GALNT18: variants seen among roughly 807,000 people sequenced by gnomAD.
GALNT18 encodes the protein polypeptide N-acetylgalactosaminyltransferase 18, also known as GalNAc-transferase 18.
A neutral mutation model predicts 69.5 loss-of-function variants in GALNT18; 44 were observed. The observed-to-expected ratio is 0.63, with a 90% CI of 0.50 to 0.81. The LOEUF is 0.81. Ranked by LOEUF, GALNT18 falls within the 40% of genes least tolerant of loss-of-function variation. The pLI, the probability that GALNT18 is intolerant of heterozygous loss-of-function variation, is 0.00. For synonymous variants in GALNT18, 364 were observed against 318.2 expected (o/e 1.14, Z -1.53); for missense variants, 715 against 810.0 (o/e 0.88, Z 1.42).
intron 10 of GALNT18, among the ~76,000 whole-genome samples, chr11:11,276,165 C>A (rs139767791): frequency 6.6e-6 from 1 of 152,192 alleles, no homozygotes; most frequent in Non-Finnish European, 1.5e-5. Flanking sequence ...CACCCATGAG[C>A]GTGGAATGTT....
chr11:11,481,850 C>G (rs1012790975), intron 1 of GALNT18, among the ~76,000 whole-genome samples: 3 of 152,222 alleles, frequency 2.0e-5, no homozygotes, highest in Admixed American at 1.3e-4. Context: ...TGAATTATCA[C>G]AGTTGTATCC....
intron 2 of GALNT18, among the ~76,000 whole-genome samples, chr11:11,448,492 G>A (rs1164719579): frequency 2.0e-5 from 3 of 152,234 alleles, no homozygotes; most frequent in African/African-American, 4.8e-5. Flanking sequence ...TGTCCTTAAC[G>A]AGTAAATTAA....
At chr11:11,397,229 A>G (rs1398229103) in intron 3 of GALNT18, among the ~76,000 whole-genome samples, 1 of 152,178 alleles carries the variant, frequency 6.6e-6, no homozygotes, top group Non-Finnish European at 1.5e-5. Flanking sequence ...GGGAACTGTA[A>G]GGGAAATGCC....
intron 1 of GALNT18, among the ~76,000 whole-genome samples, chr11:11,513,365 T>A (rs771268151): frequency 1.3e-5 from 2 of 152,246 alleles, no homozygotes; most frequent in African/African-American, 2.4e-5. Context: ...TTCCTGTCCC[T>A]TGCTCTGTTC....
At chr11:11,276,425 G>T (rs943006829) in intron 10 of GALNT18, among the ~76,000 whole-genome samples, 23 of 152,104 alleles carry the variant, frequency 1.5e-4, no homozygotes, top group South Asian at 2.1e-4. Flanking sequence ...AAGGAGATTT[G>T]GGGCTGAGAC....
chr11:11,322,492 T>G (rs755780537), intron 9 of GALNT18, among the ~76,000 whole-genome samples: 1 of 152,234 alleles, frequency 6.6e-6, no homozygotes, highest in Non-Finnish European at 1.5e-5. Context: ...CCTGGCTACC[T>G]TGGCCCACAT....
chr11:11,462,909 G>C (rs1310830103), intron 1 of GALNT18, among the ~76,000 whole-genome samples: 1 of 152,132 alleles, frequency 6.6e-6, no homozygotes, highest in Non-Finnish European at 1.5e-5. Context: ...CAAAGAACAA[G>C]TATTTGGGGT....
chr11:11,464,932 G>T (rs1323719261), intron 1 of GALNT18, among the ~76,000 whole-genome samples: 1 of 152,138 alleles, frequency 6.6e-6, no homozygotes, highest in African/African-American at 2.4e-5. Flanking sequence ...CATAAACACC[G>T]GCTGTTGTTA....
At chr11:11,525,358 G>T (rs542303367) in intron 1 of GALNT18, among the ~76,000 whole-genome samples, 17 of 152,236 alleles carry the variant, frequency 1.1e-4, no homozygotes, top group East Asian at 3.9e-4. Context: ...GGAGCTCAAT[G>T]AATAAGAAAG....
At chr11:11,283,445 CT>C (rs1215725308) in intron 10 of GALNT18, among the ~76,000 whole-genome samples, 1 of 152,208 alleles carries the variant, frequency 6.6e-6, no homozygotes, top group South Asian at 2.1e-4. Flanking sequence ...GACTTTTAAT[CT>C]GAATGACAGG....
At position 11,292,199 on chromosome 11, in the gene GALNT18, CCT is replaced by C. The variant is rs1849313636; in HGVS notation, c.1677+828_1677+829del. On this transcript the variant is annotated intron_variant, in intron 10 of 10. Coordinates refer to ENST00000227756, the MANE Select transcript of GALNT18 (RefSeq NM_198516.3). ...CACAACCCCATGGGCTCCCTCACTT[CCT>C]GTTATTAACGCTTTACCTGCTCCAC... 2.6e-5 allele frequency among the ~76,000 whole-genome samples: 4 copies of C among 152,276 alleles called. No homozygotes were observed. In the South Asian group the frequency reaches 8.3e-4, roughly 32 times the overall value.
intron 6 of GALNT18, among the ~76,000 whole-genome samples, chr11:11,362,120 A>C (rs1020920125): frequency 1.3e-5 from 2 of 152,192 alleles, no homozygotes; most frequent in Non-Finnish European, 2.9e-5. Flanking sequence ...TAACTGGTTG[A>C]CCATATAGAA....
chr11:11,528,810 T>C (rs1405884750), intron 1 of GALNT18, among the ~76,000 whole-genome samples: 1 of 152,128 alleles, frequency 6.6e-6, no homozygotes, highest in Non-Finnish European at 1.5e-5. Context: ...TCAAAAAGGA[T>C]ATAGGGGAAG....
In GALNT18 at chr11:11,541,124, G is replaced by C. The variant is rs1857909462; in HGVS notation, c.235+80235C>G. On this transcript the variant is annotated intron_variant, in intron 1 of 10. Coordinates refer to ENST00000227756, the MANE Select transcript of GALNT18 (RefSeq NM_198516.3). The surrounding 1 kb of genome is among the most constrained non-coding windows in gnomAD (Gnocchi z 4.8). ...GACCATAGTGTTCCCCACTGGCTGAGATTAATGGGGATGACACTGTGGCTG... is the reference window on the plus strand; with the variant it reads ...GACCATAGTGTTCCCCACTGGCTGACATTAATGGGGATGACACTGTGGCTG... Among the ~76,000 whole-genome samples, 1 of 152,180 alleles carries C rather than the reference G, an allele frequency of 6.6e-6. No individual in the cohort carries two copies. The highest frequency in any genetic ancestry group is 2.4e-5 in the African/African-American group (1 of 41,440).
intron 6 of GALNT18, among the ~76,000 whole-genome samples, chr11:11,365,546 G>C (rs1043922943): frequency 6.6e-6 from 1 of 152,070 alleles, no homozygotes; most frequent in Non-Finnish European, 1.5e-5. Context: ...GGTGTTTCTG[G>C]TTGTAAACCC....
intron 3 of GALNT18, among the ~76,000 whole-genome samples, chr11:11,411,426 C>T (rs1414209328): frequency 4.6e-5 from 7 of 152,208 alleles, no homozygotes; most frequent in Admixed American, 3.9e-4. Flanking sequence ...AAGACATGTT[C>T]TCCTGCTTCT....
chr11:11,558,313 A>C (rs1858382911), intron 1 of GALNT18, among the ~76,000 whole-genome samples: 1 of 152,234 alleles, frequency 6.6e-6, no homozygotes, highest in East Asian at 1.9e-4. Flanking sequence ...GAGAAAAGGC[A>C]ATACCTTGTA....
rs2133945879 is a variant in GALNT18 at position 11,601,320 on chromosome 11, T to G, written c.235+20039A>C. 6.6e-6 allele frequency among the ~76,000 whole-genome samples: 1 copy of G among 152,372 alleles called. No homozygotes were observed. Among genetic ancestry groups the G allele is most frequent in the South Asian group, 2.1e-4 (1 of 4,834 alleles). ...TACCGCATTGGATGGGCTACTTCAGTGAAGTCCTTTTCCCCCAACAGTGTG... is the reference window on the plus strand; with the variant it reads ...TACCGCATTGGATGGGCTACTTCAGGGAAGTCCTTTTCCCCCAACAGTGTG... On this transcript the variant is annotated intron_variant, in intron 1 of 10. Transcript: ENST00000227756. The surrounding 1 kb of genome is among the most constrained non-coding windows in gnomAD (Gnocchi z 4.0).
At chr11:11,322,677 T>A (rs1259117861) in intron 9 of GALNT18, among the ~76,000 whole-genome samples, 1 of 152,226 alleles carries the variant, frequency 6.6e-6, no homozygotes, top group East Asian at 1.9e-4. Context: ...CAACTAGAAC[T>A]CTAATATAAA....
Sources: allele counts gnomAD v4.1 joint callset (sites outside exome capture counted in the v4.1 genomes callset), GRCh38; gene constraint gnomAD v4.1.1; non-coding constraint Gnocchi (gnomAD v3.1); transcripts MANE v1.5; gene names NCBI Gene and HGNC (gene_info 2026-07-23, HGNC 2026-07-21).